The following PRTG variants were observed in gnomAD, a reference collection of about 807,000 sequenced individuals.
PRTG encodes the protein protogenin, also known as immunoglobulin superfamily, DCC subclass, member 5.
A neutral mutation model predicts 122.5 loss-of-function variants in PRTG; 67 were observed. The observed-to-expected ratio is 0.55, with a 90% confidence interval of 0.45 to 0.67. The LOEUF (loss-of-function observed/expected upper bound fraction) is 0.67, where lower values mean the gene tolerates loss of function less well. Ranked by LOEUF, PRTG falls within the 30% of genes least tolerant of loss-of-function variation. The probability of loss-of-function intolerance (pLI) is 0.00; values close to 1 mark genes in which losing one functional copy is unlikely to be tolerated. For synonymous variants in PRTG, 554 were observed against 501.1 expected (o/e 1.11, Z -1.41); for missense variants, 1,435 against 1,415.4 (o/e 1.01, Z -0.22).
At chr15:55,737,291 G>T (rs2031442680) in intron 2 of PRTG, among the ~76,000 whole-genome samples, 1 of 152,168 alleles carries the variant, frequency 6.6e-6, no homozygotes, top group South Asian at 2.1e-4. Context: ...TTAATAAAAA[G>T]GATTATCTTT....
intron 8 of PRTG, 53 bp downstream of exon 8, chr15:55,677,743 CA>C (rs1269409399): frequency 6.4e-7 from 1 of 1,567,180 alleles, no homozygotes; most frequent in Non-Finnish European, 8.7e-7. Context: ...GTACTGAAAA[CA>C]AATCCTTGAT....
chr15:55,680,239 A>C, intron 5 of PRTG, 27 bp from the exon 6 acceptor site: 1 of 1,553,374 alleles, frequency 6.4e-7, no homozygotes, highest in South Asian at 1.1e-5. Context: ...ACTTCAGTTT[A>C]AACAATGTAA....
At chr15:55,741,584 G>T (rs988776355) in intron 1 of PRTG, among the ~76,000 whole-genome samples, 1 of 152,140 alleles carries the variant, frequency 6.6e-6, no homozygotes, top group Non-Finnish European at 1.5e-5. Flanking sequence ...CCTGCATTTA[G>T]TGCACAGGCC....
At chr15:55,714,549 T>A (rs888706110) in intron 2 of PRTG, among the ~76,000 whole-genome samples, 1 of 152,008 alleles carries the variant, frequency 6.6e-6, no homozygotes, top group East Asian at 1.9e-4. Flanking sequence ...CCCCCCTTTT[T>A]TTTTTAAATA....
At chr15:55,627,320 A>T (rs2059200415) in intron 16 of PRTG, among the ~76,000 whole-genome samples, 192 bp from the exon 17 acceptor site, 3 of 146,784 alleles carry the variant, frequency 2.0e-5, no homozygotes, top group African/African-American at 7.5e-5. Context: ...CTCTTCCAAT[A>T]TTAAAGTTTT....
intron 2 of PRTG, among the ~76,000 whole-genome samples, chr15:55,723,918 ATTGT>A (rs1401979354): frequency 6.6e-4 from 100 of 151,978 alleles, no homozygotes; most frequent in African/African-American, 2.2e-3. Context: ...CACCTAGCTA[ATTGT>A]TTGTATTTTT....
At chr15:55,718,953 C>T (rs1595674677) in intron 2 of PRTG, among the ~76,000 whole-genome samples, 1 of 152,154 alleles carries the variant, frequency 6.6e-6, no homozygotes, top group South Asian at 2.1e-4. Context: ...CTGTGTTGCC[C>T]AGACTGGTTT....
intron 11 of PRTG, among the ~76,000 whole-genome samples, chr15:55,649,403 T>C (rs1291968209): frequency 1.3e-5 from 1 of 75,688 alleles, no homozygotes; most frequent in African/African-American, 4.7e-5. Context: ...TCATGAGATG[T>C]TGGGGAGGGA....
chr15:55,664,013 T>G (rs963476427), intron 11 of PRTG, among the ~76,000 whole-genome samples: 1 of 152,238 alleles, frequency 6.6e-6, no homozygotes, highest in Admixed American at 6.5e-5. Flanking sequence ...ATTGTACAGA[T>G]GTACTGCAGT....
At chr15:55,717,083 C>T (rs2030628069) in intron 2 of PRTG, among the ~76,000 whole-genome samples, 1 of 152,154 alleles carries the variant, frequency 6.6e-6, no homozygotes, top group Non-Finnish European at 1.5e-5. Context: ...ATAGAAACTT[C>T]CAAATCCCTA....
chr15:55,663,052 C>T (rs961859104), intron 11 of PRTG, among the ~76,000 whole-genome samples: 30 of 152,168 alleles, frequency 2.0e-4, no homozygotes, highest in African/African-American at 7.2e-4. Context: ...TTCTCAAAGC[C>T]CTACTCCAGA....
intron 15 of PRTG, among the ~76,000 whole-genome samples, chr15:55,631,978 T>A (rs2059230008): frequency 6.6e-6 from 1 of 152,190 alleles, no homozygotes; most frequent in African/African-American, 2.4e-5. Context: ...AGCAAAAGAT[T>A]TTGGGGTTGG....
At chr15:55,638,444 A>G in intron 14 of PRTG, 105 bp downstream of exon 14, 1 of 710,728 alleles carries the variant, frequency 1.4e-6, no homozygotes, top group Non-Finnish European at 2.2e-6. Flanking sequence ...ATCAAGTGGT[A>G]GGTGGCAACT....
At chr15:55,692,662 GT>G (rs574656679) in intron 2 of PRTG, among the ~76,000 whole-genome samples, 92 of 147,596 alleles carry the variant, frequency 6.2e-4, no homozygotes, top group Non-Finnish European at 1.1e-3. Flanking sequence ...TGATTTAAGT[GT>G]TTTTTTTTTA....
intron 17 of PRTG, among the ~76,000 whole-genome samples, chr15:55,626,533 G>A (rs981427962): frequency 2.6e-5 from 4 of 151,284 alleles, no homozygotes; most frequent in African/African-American, 2.4e-5. Flanking sequence ...CACAGATCAC[G>A]AGGTCAGGAG....
chr15:55,672,744 C>A, intron 10 of PRTG, 111 bp from the exon 11 acceptor site: 1 of 717,490 alleles, frequency 1.4e-6, no homozygotes, highest in Non-Finnish European at 2.1e-6. Flanking sequence ...AAGGTTCAAT[C>A]CAAAAATTAT....
At chr15:55,684,685 C>T (rs1307963657) in intron 2 of PRTG, among the ~76,000 whole-genome samples, 1 of 96,350 alleles carries the variant, frequency 1.0e-5, no homozygotes, top group African/African-American at 3.6e-5. Flanking sequence ...ATAGGGATTA[C>T]AGAACTGGGT....
chr15:55,635,220 T>C (rs750236929), intron 15 of PRTG, among the ~76,000 whole-genome samples: 1 of 152,058 alleles, frequency 6.6e-6, no homozygotes, highest in Non-Finnish European at 1.5e-5. Context: ...GCCTCCCGAG[T>C]AGTTGGGCCT....
intron 11 of PRTG, among the ~76,000 whole-genome samples, chr15:55,654,334 G>C (rs975561397): frequency 2.0e-5 from 3 of 152,136 alleles, no homozygotes; most frequent in Admixed American, 6.5e-5. Context: ...AGTTGTATAT[G>C]AACCATATTA....
Sources: allele counts gnomAD v4.1 joint callset (sites outside exome capture counted in the v4.1 genomes callset), GRCh38; gene constraint gnomAD v4.1.1; transcripts MANE v1.5; gene names NCBI Gene and HGNC (gene_info 2026-07-23, HGNC 2026-07-21).